The following MPPED2 variants were observed in gnomAD, a reference collection of about 807,000 sequenced individuals.
MPPED2 encodes metallophosphoesterase domain containing 2.
In MPPED2, 5 loss-of-function variants were observed where a neutral mutation model predicts 33.0. The observed-to-expected ratio is 0.15, with a 90% CI of 0.08 to 0.32. The LOEUF is 0.32. Among genes scored for constraint, MPPED2 ranks in the 10% least tolerant of loss-of-function variants. The probability of loss-of-function intolerance (pLI) is 1.00; values close to 1 mark genes in which losing one functional copy is unlikely to be tolerated. For missense variants in MPPED2, 275 were observed against 372.1 expected, an observed-to-expected ratio of 0.74 and a Z score of 2.15; for synonymous variants, 136 against 141.9, an observed-to-expected ratio of 0.96 and a Z score of 0.29.
chr11:30,388,732 GCCT>G, exon 7 of MPPED2: 1 of 972,472 alleles, frequency 1.0e-6, no homozygotes, highest in Non-Finnish European at 1.4e-6. Flanking sequence ...CTTCCCTGTC[GCCT>G]CCTCCTCATG....
At chr11:30,559,016 T>A (rs540859882) in intron 2 of MPPED2, among the ~76,000 whole-genome samples, 1 of 152,274 alleles carries the variant, frequency 6.6e-6, no homozygotes, top group Non-Finnish European at 1.5e-5. Context: ...AAAATAAAGA[T>A]ATCTTTAAAG....
chr11:30,464,095 A>T (rs909619382), intron 4 of MPPED2, among the ~76,000 whole-genome samples: 2 of 152,154 alleles, frequency 1.3e-5, no homozygotes, highest in Non-Finnish European at 2.9e-5. Context: ...CTTAATAACA[A>T]TGTAAATATT....
chr11:30,472,361 G>GAATAATAATAATAATAATAAT (rs35857172), intron 4 of MPPED2, among the ~76,000 whole-genome samples: 2 of 150,758 alleles, frequency 1.3e-5, no homozygotes, highest in African/African-American at 4.9e-5. Flanking sequence ...GGCCTGTCTC[G>GAATAATAATAATAATAATAAT]AATAATAATA....
chr11:30,419,542 T>C (rs1266865067), intron 4 of MPPED2, among the ~76,000 whole-genome samples: 1 of 152,164 alleles, frequency 6.6e-6, no homozygotes, highest in Non-Finnish European at 1.5e-5. Flanking sequence ...CTTTCCTCCG[T>C]CTTTTGGTGA....
intron 6 of MPPED2, among the ~76,000 whole-genome samples, chr11:30,399,094 T>C (rs1326960243): frequency 2.0e-5 from 3 of 152,032 alleles, no homozygotes; most frequent in Admixed American, 6.6e-5. Context: ...GAAAACATAA[T>C]GTGACAAAAC....
intron 4 of MPPED2, among the ~76,000 whole-genome samples, chr11:30,486,322 G>C (rs866439096): frequency 2.6e-5 from 4 of 152,178 alleles, no homozygotes; most frequent in Non-Finnish European, 2.9e-5. Context: ...TACAAAATAA[G>C]TAATCAGTGT....
chr11:30,417,245 T>C (rs1315520954), intron 5 of MPPED2, among the ~76,000 whole-genome samples: 1 of 152,118 alleles, frequency 6.6e-6, no homozygotes, highest in Non-Finnish European at 1.5e-5. Flanking sequence ...TTAAAATAAA[T>C]TATCAAGCTC....
intron 4 of MPPED2, among the ~76,000 whole-genome samples, chr11:30,421,475 A>G (rs992771983): frequency 2.9e-5 from 2 of 68,492 alleles, no homozygotes; most frequent in African/African-American, 9.3e-5. Flanking sequence ...ATATTCCAGG[A>G]AAAAAAAAAA....
chr11:30,570,059 C>T (rs912488676), intron 2 of MPPED2, among the ~76,000 whole-genome samples: 1 of 152,100 alleles, frequency 6.6e-6, no homozygotes, highest in Non-Finnish European at 1.5e-5. Context: ...TTCATCTTCC[C>T]ATTATATTCC....
chr11:30,559,392 AAAAC>A (rs779003335), intron 2 of MPPED2, among the ~76,000 whole-genome samples: 1 of 152,354 alleles, frequency 6.6e-6, no homozygotes, highest in East Asian at 1.9e-4. Context: ...TTTGCAAACT[AAAAC>A]AAAAAAATGA....
intron 4 of MPPED2, among the ~76,000 whole-genome samples, chr11:30,455,303 T>G (rs1950234917): frequency 6.6e-6 from 1 of 152,162 alleles, no homozygotes; most frequent in African/African-American, 2.4e-5. Flanking sequence ...TGGCCCATAC[T>G]CTGTCCCACC....
chr11:30,480,343 T>C (rs1951424063), intron 4 of MPPED2, among the ~76,000 whole-genome samples: 1 of 152,134 alleles, frequency 6.6e-6, no homozygotes, highest in African/African-American at 2.4e-5. Flanking sequence ...TTCTTTTCTT[T>C]CTTTTTTTTA....
At chr11:30,510,904 T>C (rs1412827668) in intron 3 of MPPED2, among the ~76,000 whole-genome samples, 1 of 152,200 alleles carries the variant, frequency 6.6e-6, no homozygotes, top group Non-Finnish European at 1.5e-5. Context: ...GTGGCCAGAT[T>C]TCAGTTCTTC....
At chr11:30,472,386 T>TAATAATAATA (rs1950988954) in intron 4 of MPPED2, among the ~76,000 whole-genome samples, 2 of 150,232 alleles carry the variant, frequency 1.3e-5, no homozygotes, top group African/African-American at 5.0e-5. Context: ...TAATAATAAT[T>TAATAATAATA]AAGCATGAAA....
rs767500886 is a variant in MPPED2, at chr11:30,494,737, CAAAAA to C, written c.536+554_536+558del. Among the ~76,000 whole-genome samples, 32 of 47,610 alleles carry C rather than the reference CAAAAA, an allele frequency of 6.7e-4. No individual in the cohort carries two copies. The South Asian group carries it at 9.9e-3, about 15-fold the overall frequency. 31.2% of individuals were successfully genotyped at this position (47,610 alleles called of 152,430 possible). A position where few individuals can be genotyped will look rare whatever the true frequency, so the allele number is the denominator to read the frequency against. ...TGGGCAACAGAGAGATACTCCACCT[CAAAAA>C]AAAAAAAAAAAAAAAAAAGAAAGAA... On this transcript the variant is annotated intron_variant, in intron 4 of 6. Coordinates refer to ENST00000358117, the MANE Select transcript of MPPED2 (RefSeq NM_001584.3).
At chr11:30,451,334 G>A (rs185234664) in intron 4 of MPPED2, among the ~76,000 whole-genome samples, 2 of 152,134 alleles carry the variant, frequency 1.3e-5, no homozygotes, top group East Asian at 1.9e-4. Flanking sequence ...GGCCCCTCTT[G>A]TCTAAGGACC....
At chr11:30,466,780 A>C (rs1393423748) in intron 4 of MPPED2, among the ~76,000 whole-genome samples, 3 of 152,216 alleles carry the variant, frequency 2.0e-5, no homozygotes, top group Non-Finnish European at 4.4e-5. Context: ...TACCTACTGC[A>C]TTTTTGGATA....
At chr11:30,461,065 C>T (rs893176850) in intron 4 of MPPED2, among the ~76,000 whole-genome samples, 4 of 152,152 alleles carry the variant, frequency 2.6e-5, no homozygotes, top group African/African-American at 2.4e-5. Flanking sequence ...AATTCTGACA[C>T]GTGGATGAAT....
chr11:30,517,201 A>G (rs1953582359), intron 3 of MPPED2, among the ~76,000 whole-genome samples: 1 of 152,010 alleles, frequency 6.6e-6, no homozygotes, highest in South Asian at 2.1e-4. Flanking sequence ...CATACTCCCC[A>G]TATATCTCCC....
Sources: gnomAD v4.1 joint callset for allele counts (sites outside exome capture counted in the v4.1 genomes callset) on GRCh38, gnomAD v4.1.1 for gene constraint, MANE v1.5 for transcripts, NCBI Gene and HGNC (gene_info 2026-07-23, HGNC 2026-07-21) for gene names.